The following C13orf46 variants were observed in gnomAD, a reference collection of about 807,000 sequenced individuals.
The protein encoded by C13orf46 is chromosome 13 open reading frame 46, also known as uncharacterized protein C13orf46.
chr13:113,930,402 GGGGGCGCA>G, the C13orf46 span, among the ~76,000 whole-genome samples: 2 of 114,234 alleles, frequency 1.8e-5, no homozygotes, highest in Non-Finnish European at 1.9e-5. Flanking sequence ...GCACCGAGGC[GGGGGCGCA>G]GGAGCACCGA....
the C13orf46 span, among the ~76,000 whole-genome samples, chr13:113,945,105 T>C: frequency 2.0e-5 from 3 of 150,222 alleles, no homozygotes; most frequent in African/African-American, 4.9e-5. Flanking sequence ...TGTGACGGGC[T>C]CTGCAGGTGT....
chr13:113,927,350 G>A, the C13orf46 span: 3 of 392,594 alleles, frequency 7.6e-6, no homozygotes, highest in East Asian at 3.6e-5. Flanking sequence ...AGCCAGCCAA[G>A]TTCCACTTGC....
the C13orf46 span, chr13:113,926,679 A>C: frequency 3.9e-5 from 6 of 152,192 alleles, no homozygotes; most frequent in African/African-American, 7.2e-5. Context: ...GAAACTGGAG[A>C]AGCAGAGGTT....
At chr13:113,928,603 C>T in the C13orf46 span, 1 of 152,710 alleles carries the variant, frequency 6.5e-6, no homozygotes, top group Non-Finnish European at 1.5e-5. Flanking sequence ...AGGCTGCTGA[C>T]CCTCCCTTGG....
chr13:113,932,389 C>T, the C13orf46 span, among the ~76,000 whole-genome samples: 2 of 152,322 alleles, frequency 1.3e-5, no homozygotes, highest in South Asian at 4.1e-4. Flanking sequence ...CAGCCCTTGG[C>T]AGGGCCACTT....
intron 1 of C13orf46, among the ~76,000 whole-genome samples, chr13:113,973,324 C>G (rs1226860146): frequency 1.3e-5 from 2 of 152,218 alleles, no homozygotes; most frequent in African/African-American, 2.4e-5. Context: ...GGACAGAGAT[C>G]ACGGTCCTCC....
At chr13:113,942,960 G>A in the C13orf46 span, among the ~76,000 whole-genome samples, 1 of 152,358 alleles carries the variant, frequency 6.6e-6, no homozygotes, top group East Asian at 1.9e-4. Context: ...CGGCGGCCAT[G>A]GCTCTCTAAG....
chr13:113,951,181 G>C (rs1478626956), downstream of C13orf46, among the ~76,000 whole-genome samples: 1 of 152,178 alleles, frequency 6.6e-6, no homozygotes, highest in African/African-American at 2.4e-5. Flanking sequence ...CCCCTCCAGC[G>C]AATGCTCAGC....
At chr13:113,943,143 C>G in the C13orf46 span, among the ~76,000 whole-genome samples, 614 of 152,274 alleles carry the variant, frequency 4.0e-3, 10 homozygotes, top group East Asian at 0.049. Flanking sequence ...CTCCTGTCAA[C>G]AAAGAGTCAA....
At chr13:113,973,005 C>T (rs1021916167) in intron 1 of C13orf46, among the ~76,000 whole-genome samples, 1 of 152,194 alleles carries the variant, frequency 6.6e-6, no homozygotes, top group East Asian at 1.9e-4. Context: ...CCACCCTTAG[C>T]GTTCCGAGCA....
rs908240938 is a variant in C13orf46 at position 113,956,112 on chromosome 13, G to A, written c.*661C>T. ...AGGTGGAGTAGTATCTGGCGGAGAG[G>A]AGGAGTAGGATCTGGCGGAGAGGAG... On this transcript the variant is annotated 3_prime_UTR_variant, in exon 7 of 7. Transcript: ENST00000636427. 1.3e-5 allele frequency: 2 copies of A among 157,916 alleles called. No homozygotes were observed. Among genetic ancestry groups the A allele is most frequent in the South Asian group, 1.7e-4 (1 of 5,850 alleles). The allele number at this position is 157,916 out of a possible 1,614,324, so 9.8% of individuals were successfully genotyped here. A position where few individuals can be genotyped will look rare whatever the true frequency, so the allele number is the denominator to read the frequency against.
chr13:113,927,857 A>G, the C13orf46 span: 1 of 371,766 alleles, frequency 2.7e-6, no homozygotes, highest in Non-Finnish European at 4.8e-6. Flanking sequence ...CTTTGTCAAG[A>G]TCCGGGGAAG....
rs951106692 is a variant in C13orf46, at chr13:113,971,433, GC to G, written c.191-1212del. Among the ~76,000 whole-genome samples the G allele has an allele frequency of 3.9e-5, 6 of 152,332 alleles. No homozygotes were observed. The East Asian group carries it at 9.7e-4, about 25-fold the overall frequency. On this transcript the variant is annotated intron_variant, in intron 1 of 6. Coordinates refer to ENST00000636427, the MANE Select transcript of C13orf46 (RefSeq NM_001365455.2). ...CCCCAACAGAGAAGCCACGAGTGGG[GC>G]CCAGAGGTGGAGCGCAGAGCCTTTG...
chr13:113,963,452 C>T (rs2052606740), intron 6 of C13orf46, among the ~76,000 whole-genome samples: 1 of 137,814 alleles, frequency 7.3e-6, no homozygotes, highest in Non-Finnish European at 1.6e-5. Flanking sequence ...CGGCCCCTGT[C>T]CTCAGCTTCA....
chr13:113,951,560 G>GCCAGGC (rs1289674546), downstream of C13orf46, among the ~76,000 whole-genome samples: 18 of 152,252 alleles, frequency 1.2e-4, no homozygotes, highest in South Asian at 3.7e-3. Context: ...GAGGGGCCCA[G>GCCAGGC]CCAGGCCCAG....
downstream of C13orf46, among the ~76,000 whole-genome samples, chr13:113,952,381 G>A (rs1028533623): frequency 1.3e-4 from 20 of 151,088 alleles, no homozygotes; most frequent in Non-Finnish European, 2.7e-4. Flanking sequence ...TGTGGCTGCC[G>A]CTCCCGCCTG....
At chr13:113,939,255 G>C in the C13orf46 span, among the ~76,000 whole-genome samples, 1 of 152,152 alleles carries the variant, frequency 6.6e-6, no homozygotes, top group Non-Finnish European at 1.5e-5. Flanking sequence ...CCCCCGCCCC[G>C]GTGATGCCAG....
chr13:113,953,251 C>T (rs1018548499), downstream of C13orf46, among the ~76,000 whole-genome samples: 80 of 152,206 alleles, frequency 5.3e-4, no homozygotes, highest in Non-Finnish European at 2.4e-4. Context: ...CCACTCACAT[C>T]CCACAGGGCG....
chr13:113,954,235 G>A lies in C13orf46; in HGVS notation c.*2538C>T, dbSNP rs2052502692. On this transcript the variant is annotated 3_prime_UTR_variant, in exon 7 of 7. Transcript: ENST00000636427. ...AGTGCACACAGCATCTCCGCCTGTG[G>A]CCTCTGACTGCCTTAGAGACACCCG... 2 of 152,274 alleles carry A rather than the reference G, an allele frequency of 1.3e-5. No individual in the cohort carries two copies. Among genetic ancestry groups the A allele is most frequent in the Admixed American group, 1.3e-4 (2 of 15,294 alleles). 9.4% of individuals were successfully genotyped at this position (152,274 alleles called of 1,614,324 possible). A position where few individuals can be genotyped will look rare whatever the true frequency, so the allele number is the denominator to read the frequency against.
Sources: gnomAD v4.1 joint callset for allele counts (sites outside exome capture counted in the v4.1 genomes callset) on GRCh38, gnomAD v4.1.1 for gene constraint, MANE v1.5 for transcripts, NCBI Gene and HGNC (gene_info 2026-07-23, HGNC 2026-07-21) for gene names.